Variants in GJB5 observed in about 807,000 individuals in gnomAD.
GJB5 encodes gap junction beta-5 protein.
For synonymous variants in GJB5, 146 were observed against 145.5 expected (o/e 1.00, Z -0.02); for missense variants, 333 against 357.9 (o/e 0.93, Z 0.56).
At chr1:34,756,554 G>C (rs1639586303) in intron 1 of GJB5, among the ~76,000 whole-genome samples, 1 of 152,198 alleles carries the variant, frequency 6.6e-6, no homozygotes, top group African/African-American at 2.4e-5. Flanking sequence ...AACTTTTCTT[G>C]ACACAGAATC....
chr1:34,755,556 T>C (rs1375783643), intron 1 of GJB5, among the ~76,000 whole-genome samples: 1 of 152,116 alleles, frequency 6.6e-6, no homozygotes, highest in Non-Finnish European at 1.5e-5. Context: ...GCATGCAAGA[T>C]GGTGATTCAA....
intron 1 of GJB5, 72 bp from the exon 2 acceptor site, chr1:34,757,235 A>G: frequency 2.5e-6 from 2 of 807,846 alleles, no homozygotes; most frequent in Non-Finnish European, 4.0e-6. Context: ...AAATGTGATG[A>G]CATATTTCTA....
Position 34,758,308 on chromosome 1 carries a change from C to T in GJB5, c.*156C>T. 1.6e-6 allele frequency: 1 copy of T among 631,842 alleles called. No homozygotes were observed. Among genetic ancestry groups the T allele is most frequent in the Non-Finnish European group, 2.8e-6 (1 of 352,118 alleles). The allele number at this position is 631,842 out of a possible 1,614,324, so 39.1% of individuals were successfully genotyped here. On this transcript the variant is annotated 3_prime_UTR_variant, in exon 2 of 2. Coordinates refer to ENST00000338513, the MANE Select transcript of GJB5 (RefSeq NM_005268.4). ...CTGGGAGCCAGTTCCTAGTCCTCAACTCCAGCCACCTGCCCCAGCTCGACG... is the reference window on the plus strand; with the variant it reads ...CTGGGAGCCAGTTCCTAGTCCTCAATTCCAGCCACCTGCCCCAGCTCGACG...
rs781775837 is a variant in GJB5 at position 34,758,074 on chromosome 1, C to T, written c.744C>T (p.Leu248=). ...AAGACGACCTCCTTTCGGGTGACCT[C>T]ATCTTTCTGGGCTCAGACAGTCATC... ...CKQDDLLSGD[L]IFLGSDSHPP... Residue 248 remains leucine (L), a synonymous_variant, in exon 2 of 2, where the codon CTC becomes CTT. Transcript: ENST00000338513. 1.2e-6 allele frequency: 2 copies of T among 1,613,952 alleles called. No individual in the cohort carries two copies. The highest frequency in any genetic ancestry group is 1.7e-5 in the Admixed American group (1 of 60,008).
At position 34,758,041 on chromosome 1, in the gene GJB5, C is replaced by T; in HGVS notation, c.711C>T (p.Ser237=). 6.2e-7 allele frequency: 1 copy of T among 1,614,050 alleles called. No individual in the cohort carries two copies. Among genetic ancestry groups the T allele is most frequent in the Non-Finnish European group, 8.5e-7 (1 of 1,180,022 alleles). The stretch of plus-strand genomic sequence containing the variant: ...ATCACCCCCACGGTACCACCTCTTC[C>T]TGCAAACAAGACGACCTCCTTTCGG... ...TGHHPHGTTS[S]CKQDDLLSGD... The change falls in exon 2 of 2, where the codon TCC becomes TCT. Residue 237 remains serine, a synonymous_variant. Transcript: ENST00000338513.
At chr1:34,756,047 C>A (rs1240681418) in intron 1 of GJB5, among the ~76,000 whole-genome samples, 1 of 152,222 alleles carries the variant, frequency 6.6e-6, no homozygotes, top group Non-Finnish European at 1.5e-5. Context: ...TGCAGTTGAT[C>A]ATGCAGAGGC....
At chr1:34,755,810 C>T (rs1027184447) in intron 1 of GJB5, among the ~76,000 whole-genome samples, 1 of 152,202 alleles carries the variant, frequency 6.6e-6, no homozygotes, top group Non-Finnish European at 1.5e-5. Context: ...AGCCAGCCTG[C>T]CTGGGTTCAA....
rs1281000308 is a variant in GJB5 at position 34,757,516 on chromosome 1, C to T, written c.186C>T (p.Asn62=). The T allele has an allele frequency of 1.1e-5, 17 of 1,614,188 alleles. No individual in the cohort carries two copies. Among genetic ancestry groups the T allele is most frequent in the African/African-American group, 4.0e-5 (3 of 75,040 alleles). ...ATACTCGCCAGCCCGGCTGCTCCAA[C>T]GTCTGCTTTGATGAGTTCTTCCCTG... is the stretch of plus-strand genomic sequence containing the variant. ...DCNTRQPGCS[N]VCFDEFFPVS... The change falls in exon 2 of 2, where the codon AAC becomes AAT. Residue 62 remains asparagine, a synonymous_variant. Transcript: ENST00000338513.
At chr1:34,756,257 T>A (rs1639581014) in intron 1 of GJB5, among the ~76,000 whole-genome samples, 1 of 152,222 alleles carries the variant, frequency 6.6e-6, no homozygotes, top group South Asian at 2.1e-4. Context: ...GACCCCTTAC[T>A]CTGCCTAGCA....
Position 34,757,601 on chromosome 1 carries a change from G to C in GJB5, c.271G>C (p.Val91Leu). Residue 91 changes from valine to leucine, a missense_variant, in exon 2 of 2, where the codon GTG (valine) becomes CTG (leucine). Physicochemically the swap from Val to Leu is conservative, Grantham distance 32. Coordinates refer to ENST00000338513, the MANE Select transcript of GJB5 (RefSeq NM_005268.4). ...LILVTCPSLL[V>L]VMHVAYREVQ... is the part of the protein sequence containing the mutation. ...CCTGGTGACATGCCCCTCACTGCTCGTGGTCATGCACGTGGCCTACCGGGA... is the reference window on the plus strand; with the variant it reads ...CCTGGTGACATGCCCCTCACTGCTCCTGGTCATGCACGTGGCCTACCGGGA... 1 of 1,614,062 alleles carries C rather than the reference G, an allele frequency of 6.2e-7. No individual in the cohort carries two copies. Among genetic ancestry groups the C allele is most frequent in the Non-Finnish European group, 8.5e-7 (1 of 1,180,024 alleles).
In GJB5 at chr1:34,758,305, C is replaced by G. The variant is rs1639638677; in HGVS notation, c.*153C>G. The stretch of plus-strand genomic sequence containing the variant: ...GCTCTGGGAGCCAGTTCCTAGTCCT[C>G]AACTCCAGCCACCTGCCCCAGCTCG... On this transcript the variant is annotated 3_prime_UTR_variant, in exon 2 of 2. Coordinates refer to ENST00000338513, the MANE Select transcript of GJB5 (RefSeq NM_005268.4). The G allele has an allele frequency of 1.6e-6, 1 of 637,052 alleles. No individual in the cohort carries two copies. Among genetic ancestry groups the G allele is most frequent in the Non-Finnish European group, 2.8e-6 (1 of 356,780 alleles). The allele number at this position is 637,052 out of a possible 1,614,324, so 39.5% of individuals were successfully genotyped here.
chr1:34,757,609 G>A lies in GJB5; in HGVS notation c.279G>A (p.Met93Ile), dbSNP rs747813567. Residue 93 changes from methionine to isoleucine, a missense_variant, in exon 2 of 2, where the codon ATG becomes ATA. Transcript: ENST00000338513. ...LVTCPSLLVV[M>I]HVAYREVQEK... ...CATGCCCCTCACTGCTCGTGGTCAT[G>A]CACGTGGCCTACCGGGAGGTTCAGG... is the stretch of plus-strand genomic sequence containing the variant. 6.2e-7 allele frequency: 1 copy of A among 1,614,100 alleles called. No homozygotes were observed.
At chr1:34,757,286 A>G (rs1159198499) in intron 1 of GJB5, 21 bp from the exon 2 acceptor site, 2 of 1,295,618 alleles carry the variant, frequency 1.5e-6, no homozygotes, top group East Asian at 4.6e-5. Context: ...GTAGGAAATG[A>G]TTGTTCTTGT....
Position 34,758,299 on chromosome 1 carries a change from A to T in GJB5, c.*147A>T, listed in dbSNP as rs1639638513. The T allele has an allele frequency of 4.6e-6, 3 of 650,820 alleles. No individual in the cohort carries two copies. The highest frequency in any genetic ancestry group is 2.0e-5 in the South Asian group (1 of 51,254). The allele number at this position is 650,820 out of a possible 1,614,324, so 40.3% of individuals were successfully genotyped here. A position where few individuals can be genotyped will look rare whatever the true frequency, so the allele number is the denominator to read the frequency against. On this transcript the variant is annotated 3_prime_UTR_variant, in exon 2 of 2. Transcript: ENST00000338513. ...TCAGACGCTCTGGGAGCCAGTTCCT[A>T]GTCCTCAACTCCAGCCACCTGCCCC...
Position 34,757,275 on chromosome 1 carries a change from T to C in GJB5, c.-24-32T>C, listed in dbSNP as rs1639603158. The C allele has an allele frequency of 3.4e-6, 4 of 1,188,350 alleles. 1 individual carries two copies. Among genetic ancestry groups the C allele is most frequent in the South Asian group, 2.7e-5 (2 of 75,158 alleles). 73.6% of individuals were successfully genotyped at this position (1,188,350 alleles called of 1,614,324 possible). ...GTGCTCAGAGCAAGTCTGTGATAAATGTAGGAAATGATTGTTCTTGTTTCC... is the reference window on the plus strand; with the variant it reads ...GTGCTCAGAGCAAGTCTGTGATAAACGTAGGAAATGATTGTTCTTGTTTCC... On this transcript the variant is annotated intron_variant, in intron 1 of 1. Coordinates refer to ENST00000338513, the MANE Select transcript of GJB5 (RefSeq NM_005268.4).
rs200331025 is a variant in GJB5 at position 34,757,936 on chromosome 1, C to T, written c.606C>T (p.Leu202=). The change falls in exon 2 of 2, where the codon CTC becomes CTT. Residue 202 remains leucine (L), a synonymous_variant. Transcript: ENST00000338513. ...ATAAICILLN[L]VELIYLVSKR... ...CTGCCATCTGCATCCTGCTCAACCT[C>T]GTGGAGCTCATCTACCTGGTGAGCA... is the stretch of plus-strand genomic sequence containing the variant. 128 of 1,613,984 alleles carry T rather than the reference C, an allele frequency of 7.9e-5. No individual in the cohort carries two copies. The Admixed American group carries it at 1.9e-3, about 24-fold the overall frequency.
In GJB5 at chr1:34,757,361, A is replaced by C; in HGVS notation, c.31A>C (p.Ser11Arg). The C allele has an allele frequency of 1.9e-6, 3 of 1,613,956 alleles. No individual in the cohort carries two copies. The highest frequency in any genetic ancestry group is 2.5e-6 in the Non-Finnish European group (3 of 1,179,860). Reference protein sequence around the residue: MNWSIFEGLLSGVNKYSTAFG... With the variant: MNWSIFEGLLRGVNKYSTAFG... Reference sequence around the variant, plus strand: ...CTGGAGTATCTTTGAGGGACTCCTGAGTGGGGTCAACAAGTACTCCACAGC... The same window carrying C: ...CTGGAGTATCTTTGAGGGACTCCTGCGTGGGGTCAACAAGTACTCCACAGC... Residue 11 changes from serine to arginine, a missense_variant, in exon 2 of 2, where the codon AGT becomes CGT. Coordinates refer to ENST00000338513, the MANE Select transcript of GJB5 (RefSeq NM_005268.4).
In GJB5 at chr1:34,757,863, C is replaced by T; in HGVS notation, c.533C>T (p.Ser178Phe). 1.2e-6 allele frequency: 2 copies of T among 1,614,028 alleles called. No individual in the cohort carries two copies. Among genetic ancestry groups the T allele is most frequent in the Non-Finnish European group, 8.5e-7 (1 of 1,180,014 alleles). ...PCPNIVDCFISKPSEKNIFTL... is the reference protein window; with the variant it reads ...PCPNIVDCFIFKPSEKNIFTL... ...CCCAATATAGTGGACTGCTTCATCT[C>T]CAAGCCCTCAGAGAAGAACATTTTC... Residue 178 changes from serine (S) to phenylalanine (F), a missense_variant, in exon 2 of 2, where the codon TCC becomes TTC. Ser to Phe is a radical substitution (Grantham distance 155). Transcript: ENST00000338513.
At position 34,758,156 on chromosome 1, in the gene GJB5, G is replaced by GCT. The variant is rs1557650766; in HGVS notation, c.*5_*6dup. The GCT allele has an allele frequency of 6.2e-7, 1 of 1,611,144 alleles. No individual in the cohort carries two copies. The highest frequency in any genetic ancestry group is 1.3e-5 in the African/African-American group (1 of 74,860). ...TGTGAAGAAAACCATCTTGTGAGGGGCTGCCTGGACTGGTCTGGCAGGTTG... is the reference window on the plus strand; with the variant it reads ...TGTGAAGAAAACCATCTTGTGAGGGGCTCTGCCTGGACTGGTCTGGCAGGTTG... On this transcript the variant is annotated 3_prime_UTR_variant, in exon 2 of 2. Coordinates refer to ENST00000338513, the MANE Select transcript of GJB5 (RefSeq NM_005268.4).
Sources: gnomAD v4.1 joint callset for allele counts (sites outside exome capture counted in the v4.1 genomes callset) on GRCh38, gnomAD v4.1.1 for gene constraint, MANE v1.5 for transcripts, NCBI Gene and HGNC (gene_info 2026-07-23, HGNC 2026-07-21) for gene names.